The following DCLK1 variants were observed in gnomAD, a reference collection of about 807,000 sequenced individuals.
DCLK1 encodes doublecortin like kinase 1.
A neutral mutation model predicts 86.2 loss-of-function variants in DCLK1; 16 were observed. The ratio of observed to expected loss-of-function variants is 0.19; its 90% CI spans 0.13 to 0.28. The LOEUF is 0.28. Among genes scored for constraint, DCLK1 ranks in the 10% least tolerant of loss-of-function variants. The pLI is 1.00. For missense variants in DCLK1, 590 were observed against 940.2 expected (o/e 0.63, Z 4.87); for synonymous variants, 369 against 370.5 (o/e 1.00, Z 0.05).
chr13:35,917,851 C>T (rs1378516134), intron 4 of DCLK1, among the ~76,000 whole-genome samples: 1 of 152,090 alleles, frequency 6.6e-6, no homozygotes, highest in African/African-American at 2.4e-5. Context: ...GAGGCGTTCT[C>T]TAGCTGGGCT....
chr13:35,836,112 C>T lies in DCLK1; in HGVS notation c.1150G>A (p.Ala384Thr), dbSNP rs1272479368. Residue 384 changes from alanine to threonine, a missense_variant, in exon 8 of 17, where the codon GCT becomes ACT. Physicochemically the swap from Ala to Thr is moderately conservative, Grantham distance 58. Coordinates refer to ENST00000360631, the MANE Select transcript of DCLK1 (RefSeq NM_001330071.2). ...ACTTTATATCGTTCTGTTATTGTAG[C>T]TGGAATCTGGAAGCCTTCCTCCGAC... is the stretch of plus-strand genomic sequence containing the variant. ...EVSEEGFQIPATITERYKVGR... is the reference protein window; with the variant it reads ...EVSEEGFQIPTTITERYKVGR... 6.2e-7 allele frequency: 1 copy of T among 1,612,332 alleles called. No homozygotes were observed. The highest frequency in any genetic ancestry group is 1.1e-5 in the South Asian group (1 of 90,426).
intron 3 of DCLK1, among the ~76,000 whole-genome samples, chr13:36,057,188 C>T (rs566896579): frequency 6.6e-6 from 1 of 152,122 alleles, no homozygotes; most frequent in Non-Finnish European, 1.5e-5. Context: ...CTGTAAACCA[C>T]ATCAGTGATA....
At chr13:35,813,706 T>C (rs1209323234) in intron 11 of DCLK1, among the ~76,000 whole-genome samples, 1 of 149,318 alleles carries the variant, frequency 6.7e-6, no homozygotes, top group Non-Finnish European at 1.5e-5. Flanking sequence ...GGTCTTTTAA[T>C]CACTTGCACA....
intron 12 of DCLK1, 28 bp from the exon 13 acceptor site, chr13:35,809,123 G>A (rs1443828023): frequency 6.3e-7 from 1 of 1,595,046 alleles, no homozygotes; most frequent in East Asian, 2.2e-5. Context: ...GTTAGAGTTA[G>A]GAGGGTCAGG....
intron 1 of DCLK1, among the ~76,000 whole-genome samples, chr13:36,128,087 C>T (rs1241381306): frequency 6.6e-6 from 1 of 152,142 alleles, no homozygotes; most frequent in Non-Finnish European, 1.5e-5. Context: ...CTTTCTTTGG[C>T]CCTCAGTAAA....
intron 3 of DCLK1, among the ~76,000 whole-genome samples, chr13:35,960,755 C>T (rs1878407893): frequency 6.6e-6 from 1 of 151,652 alleles, no homozygotes; most frequent in African/African-American, 2.4e-5. Context: ...CCATGCCTGG[C>T]CAAAAAAAAA....
intron 13 of DCLK1, among the ~76,000 whole-genome samples, chr13:35,808,651 C>T (rs1035351806): frequency 6.6e-6 from 1 of 152,026 alleles, no homozygotes; most frequent in Non-Finnish European, 1.5e-5. Flanking sequence ...GGTGTGGCGG[C>T]GCACGCCTGT....
intron 3 of DCLK1, among the ~76,000 whole-genome samples, chr13:36,101,449 A>G (rs958356942): frequency 3.3e-5 from 5 of 152,182 alleles, no homozygotes; most frequent in Non-Finnish European, 7.4e-5. Context: ...ATGCTAATAA[A>G]ACTGCGAAAT....
intron 15 of DCLK1, among the ~76,000 whole-genome samples, chr13:35,796,675 A>G (rs75084903): frequency 0.032 from 4,813 of 152,272 alleles, 237 homozygotes; most frequent in African/African-American, 0.11. Context: ...CACGTCACAT[A>G]GCTAGAAAGT....
At chr13:35,815,131 G>A (rs934912185) in intron 11 of DCLK1, among the ~76,000 whole-genome samples, 1 of 152,112 alleles carries the variant, frequency 6.6e-6, no homozygotes, top group African/African-American at 2.4e-5. Flanking sequence ...TTTGAAAGGA[G>A]GGTTTTATTT....
At chr13:36,014,515 GACTA>G (rs1881451680) in intron 3 of DCLK1, among the ~76,000 whole-genome samples, 1 of 152,054 alleles carries the variant, frequency 6.6e-6, no homozygotes, top group Non-Finnish European at 1.5e-5. Flanking sequence ...ACCTGTGAAT[GACTA>G]ACTAATCTAA....
At chr13:36,070,799 G>A (rs1480632509) in intron 3 of DCLK1, among the ~76,000 whole-genome samples, 4 of 151,916 alleles carry the variant, frequency 2.6e-5, no homozygotes, top group Non-Finnish European at 4.4e-5. Flanking sequence ...CTGCCACCAC[G>A]TCCAGCTAAT....
chr13:36,082,045 T>C (rs1415375115), intron 3 of DCLK1, among the ~76,000 whole-genome samples: 2 of 152,216 alleles, frequency 1.3e-5, no homozygotes, highest in African/African-American at 4.8e-5. Flanking sequence ...TTAGCAATTA[T>C]GGCTGACCCT....
chr13:35,942,548 C>A (rs1177654155), intron 4 of DCLK1, among the ~76,000 whole-genome samples: 2 of 152,170 alleles, frequency 1.3e-5, no homozygotes, highest in Non-Finnish European at 2.9e-5. Context: ...TGGTGTGAAA[C>A]CTGTTCACTC....
chr13:36,020,248 T>A (rs1053329191), intron 3 of DCLK1, among the ~76,000 whole-genome samples: 5 of 152,164 alleles, frequency 3.3e-5, no homozygotes, highest in Non-Finnish European at 5.9e-5. Flanking sequence ...TTTGTAGTAA[T>A]ACAAATGGAT....
intron 4 of DCLK1, among the ~76,000 whole-genome samples, chr13:35,917,808 G>A (rs1049905274): frequency 6.6e-6 from 1 of 152,048 alleles, no homozygotes; most frequent in Non-Finnish European, 1.5e-5. Flanking sequence ...CATTTCCTGT[G>A]GCGGGGGGCA....
chr13:35,805,123 C>CCGCAGAAA (rs2086999212), intron 15 of DCLK1, among the ~76,000 whole-genome samples: 1 of 152,160 alleles, frequency 6.6e-6, no homozygotes, highest in Admixed American at 6.5e-5. Context: ...CTAATCTGGA[C>CCGCAGAAA]CGCAGAAAGC....
chr13:36,074,406 G>A (rs1174052337), intron 3 of DCLK1, among the ~76,000 whole-genome samples: 1 of 133,716 alleles, frequency 7.5e-6, no homozygotes, highest in African/African-American at 2.8e-5. Context: ...GGAGAATGGC[G>A]TGAACCCTGG....
chr13:35,918,892 G>GTTTTTTT lies in DCLK1; in HGVS notation c.823+28459_823+28465dup, dbSNP rs749567335. On this transcript the variant is annotated intron_variant, in intron 4 of 16. Coordinates refer to ENST00000360631, the MANE Select transcript of DCLK1 (RefSeq NM_001330071.2). ...AAAAAGAAATCTTCCTTCTGAGTGT[G>GTTTTTTT]TTTTTTTTTTTTTTTTTGGAAACGG... is the stretch of plus-strand genomic sequence containing the variant. Among the ~76,000 whole-genome samples the GTTTTTTT allele has an allele frequency of 4.5e-3, 342 of 76,310 alleles. 61 individuals carry two copies. The highest frequency in any genetic ancestry group is 6.9e-3 in the Admixed American group (29 of 4,230). The allele number at this position is 76,310 out of a possible 152,430, so 50.1% of individuals were successfully genotyped here.
Sources: gnomAD v4.1 joint callset for allele counts (sites outside exome capture counted in the v4.1 genomes callset) on GRCh38, gnomAD v4.1.1 for gene constraint, MANE v1.5 for transcripts, NCBI Gene and HGNC (gene_info 2026-07-23, HGNC 2026-07-21) for gene names.